RNF144B: variants seen among roughly 807,000 people sequenced by gnomAD.
The protein encoded by RNF144B is E3 ubiquitin-protein ligase RNF144B.
A neutral mutation model predicts 40.2 loss-of-function variants in RNF144B; 25 were observed. The ratio of observed to expected loss-of-function variants is 0.62; its 90% CI spans 0.45 to 0.87. RNF144B has a LOEUF of 0.87. Ranked by LOEUF, RNF144B falls within the 40% of genes least tolerant of loss-of-function variation. The probability of loss-of-function intolerance (pLI) is 0.00; values close to 1 mark genes in which losing one functional copy is unlikely to be tolerated. For missense variants in RNF144B, 365 were observed against 373.7 expected (o/e 0.98, Z 0.19); for synonymous variants, 145 against 136.3 (o/e 1.06, Z -0.44).
At position 18,418,018 on chromosome 6, in the gene RNF144B, G is replaced by A. The variant is rs1212850606; in HGVS notation, c.166-9563G>A. Among the ~76,000 whole-genome samples, 1 of 152,162 alleles carries A rather than the reference G, an allele frequency of 6.6e-6. No individual in the cohort carries two copies. Among genetic ancestry groups the A allele is most frequent in the Admixed American group, 6.6e-5 (1 of 15,266 alleles). ...CAAAATCACTAGCCAACAGGGCAATGCAAATCGAAACCACAATGATATTCG... is the reference window on the plus strand; with the variant it reads ...CAAAATCACTAGCCAACAGGGCAATACAAATCGAAACCACAATGATATTCG... On this transcript the variant is annotated intron_variant, in intron 2 of 7. Transcript: ENST00000259939. This position sits in a 1 kb window ranked among gnomAD's most constrained non-coding sequence, Gnocchi z 5.2.
In RNF144B at chr6:18,466,166, A is replaced by C. The variant is rs1411338255; in HGVS notation, c.*1099A>C. 3.3e-5 allele frequency: 5 copies of C among 152,210 alleles called. No homozygotes were observed. Among genetic ancestry groups the C allele is most frequent in the Admixed American group, 3.3e-4 (5 of 15,278 alleles). The allele number at this position is 152,210 out of a possible 1,614,324, so 9.4% of individuals were successfully genotyped here. ...AAATCTGCCTAAAGATTTTTTGCAT[A>C]TTATATATGTGAATTTTGGTTGTAA... On this transcript the variant is annotated 3_prime_UTR_variant, in exon 8 of 8. Transcript: ENST00000259939.
intron 1 of RNF144B, among the ~76,000 whole-genome samples, chr6:18,391,183 G>A (rs867759221): frequency 1.3e-5 from 2 of 152,104 alleles, no homozygotes; most frequent in Non-Finnish European, 1.5e-5. Flanking sequence ...GCTCTATAAG[G>A]CTCTTTGAAA....
At chr6:18,420,881 A>G (rs1374018875) in intron 2 of RNF144B, among the ~76,000 whole-genome samples, 2 of 152,178 alleles carry the variant, frequency 1.3e-5, no homozygotes, top group Non-Finnish European at 2.9e-5. Flanking sequence ...ACTAAGTAGT[A>G]TATAAGCATA....
At position 18,458,638 on chromosome 6, in the gene RNF144B, A is replaced by G. The variant is rs1170176578; in HGVS notation, c.537-969A>G. ...TTGCATTCTGACATTGTCACTCGGT[A>G]TCTGTGTGTCTCATAGAAGCCACTC... On this transcript the variant is annotated intron_variant, in intron 5 of 7. Coordinates refer to ENST00000259939, the MANE Select transcript of RNF144B (RefSeq NM_182757.4). This position sits in a 1 kb window ranked among gnomAD's most constrained non-coding sequence, Gnocchi z 4.8. Among the ~76,000 whole-genome samples the G allele has an allele frequency of 6.6e-6, 1 of 152,184 alleles. No individual in the cohort carries two copies. Among genetic ancestry groups the G allele is most frequent in the African/African-American group, 2.4e-5 (1 of 41,452 alleles).
intron 4 of RNF144B, among the ~76,000 whole-genome samples, chr6:18,449,822 A>T (rs758309938): frequency 6.6e-6 from 1 of 152,168 alleles, no homozygotes; most frequent in African/African-American, 2.4e-5. Context: ...TCAAGAATGT[A>T]ATATATTAAG....
In RNF144B at chr6:18,416,612, A is replaced by G. The variant is rs2113484267; in HGVS notation, c.166-10969A>G. Among the ~76,000 whole-genome samples, 1 of 152,344 alleles carries G rather than the reference A, an allele frequency of 6.6e-6. No homozygotes were observed. Among genetic ancestry groups the G allele is most frequent in the East Asian group, 1.9e-4 (1 of 5,186 alleles). ...TCAAACTTACAAGGTGGATCTTAGT[A>G]ATCTTTTCCAGAAAATGTAACGGCA... On this transcript the variant is annotated intron_variant, in intron 2 of 7. Transcript: ENST00000259939. The surrounding 1 kb of genome is among the most constrained non-coding windows in gnomAD (Gnocchi z 5.5).
intron 4 of RNF144B, among the ~76,000 whole-genome samples, chr6:18,452,193 C>G (rs1759224136): frequency 6.6e-6 from 1 of 152,212 alleles, no homozygotes; most frequent in Admixed American, 6.5e-5. Context: ...CCAGAAATTA[C>G]TGCTCTGAAT....
At chr6:18,399,357 G>T (rs1180979394) in intron 1 of RNF144B, 142 bp from the exon 2 acceptor site, 1 of 610,052 alleles carries the variant, frequency 1.6e-6, no homozygotes, top group African/African-American at 1.9e-5. Flanking sequence ...CCACTCTCTA[G>T]CCCGTCGTTC....
In RNF144B at chr6:18,416,646, G is replaced by A. The variant is rs78747489; in HGVS notation, c.166-10935G>A. 0.046 allele frequency among the ~76,000 whole-genome samples: 6,965 copies of A among 152,142 alleles called. 252 individuals carry two copies. The highest frequency in any genetic ancestry group is 0.063 in the Non-Finnish European group (4,295 of 67,994). Reference sequence around the variant, plus strand: ...CAGAAAATGTAACGGCACTATTTTGGGCTAAAGTATTTAAAGGCTCTCAAT... The same window carrying A: ...CAGAAAATGTAACGGCACTATTTTGAGCTAAAGTATTTAAAGGCTCTCAAT... On this transcript the variant is annotated intron_variant, in intron 2 of 7. Transcript: ENST00000259939. The surrounding 1 kb of genome is among the most constrained non-coding windows in gnomAD (Gnocchi z 5.5).
intron 3 of RNF144B, among the ~76,000 whole-genome samples, chr6:18,439,311 A>T (rs1481390225): frequency 6.6e-6 from 1 of 152,166 alleles, no homozygotes; most frequent in Non-Finnish European, 1.5e-5. Context: ...TAGAACTTTA[A>T]TTTCAAAAAA....
chr6:18,399,838 C>G (rs761571341), intron 2 of RNF144B, 139 bp downstream of exon 2: 7 of 662,200 alleles, frequency 1.1e-5, no homozygotes, highest in Non-Finnish European at 1.5e-5. Context: ...CATATTTGAA[C>G]CTATTTCCAA....
At chr6:18,428,120 G>GT (rs1164437810) in intron 3 of RNF144B, among the ~76,000 whole-genome samples, 4 of 152,144 alleles carry the variant, frequency 2.6e-5, no homozygotes, top group Non-Finnish European at 5.9e-5. Context: ...AGAACTGATG[G>GT]TTTTATAAGG....
rs1758970020 is a variant in RNF144B at position 18,441,782 on chromosome 6, G to A, written c.331+2038G>A. ...TCAACTTCCTCATCTGTGAAATGGG[G>A]ATAACAAGTATCTCTGTACCACAGG... is the stretch of plus-strand genomic sequence containing the variant. On this transcript the variant is annotated intron_variant, in intron 4 of 7. Transcript: ENST00000259939. This position sits in a 1 kb window ranked among gnomAD's most constrained non-coding sequence, Gnocchi z 4.9. 6.6e-6 allele frequency among the ~76,000 whole-genome samples: 1 copy of A among 152,150 alleles called. No homozygotes were observed. The highest frequency in any genetic ancestry group is 2.4e-5 in the African/African-American group (1 of 41,430).
At position 18,399,662 on chromosome 6, in the gene RNF144B, C is replaced by T. The variant is rs760527168; in HGVS notation, c.128C>T (p.Thr43Ile). ...TGTGAGCAGTCTCTGGACAAGATGA[C>T]CACACTCCAGGAATGCCAGTGCATC... ...CLCEQSLDKM[T>I]TLQECQCIFC... Residue 43 changes from threonine (T) to isoleucine (I), a missense_variant, in exon 2 of 8, where the codon ACC (threonine) becomes ATC (isoleucine). Coordinates refer to ENST00000259939, the MANE Select transcript of RNF144B (RefSeq NM_182757.4). 1.1e-5 allele frequency: 18 copies of T among 1,613,966 alleles called. No homozygotes were observed. Among genetic ancestry groups the T allele is most frequent in the Admixed American group, 3.3e-5 (2 of 59,994 alleles).
At chr6:18,420,340 T>C (rs561718091) in intron 2 of RNF144B, among the ~76,000 whole-genome samples, 3 of 152,210 alleles carry the variant, frequency 2.0e-5, no homozygotes, top group East Asian at 3.9e-4. Flanking sequence ...ACTCAACCAG[T>C]AAGTGCTGGA....
intron 1 of RNF144B, among the ~76,000 whole-genome samples, chr6:18,390,206 C>T (rs778411135): frequency 4.0e-4 from 61 of 152,134 alleles, no homozygotes; most frequent in Non-Finnish European, 7.6e-4. Flanking sequence ...GGTAGTGTTA[C>T]CTTGACCATT....
rs966136134 is a variant in RNF144B at position 18,443,105 on chromosome 6, T to C, written c.331+3361T>C. On this transcript the variant is annotated intron_variant, in intron 4 of 7. Transcript: ENST00000259939. The surrounding 1 kb of genome is among the most constrained non-coding windows in gnomAD (Gnocchi z 4.7). ...ATTTAGTTTTTGAGGAACTGCCAAA[T>C]TGTAAAACCCTATAATTTAAATATA... Among the ~76,000 whole-genome samples, 5 of 152,184 alleles carry C rather than the reference T, an allele frequency of 3.3e-5. No individual in the cohort carries two copies. Among genetic ancestry groups the C allele is most frequent in the Non-Finnish European group, 7.3e-5 (5 of 68,028 alleles).
chr6:18,404,355 G>A (rs969971449), intron 2 of RNF144B, among the ~76,000 whole-genome samples: 1 of 152,200 alleles, frequency 6.6e-6, no homozygotes, highest in African/African-American at 2.4e-5. Context: ...ATTTGATGGT[G>A]TATGATTTGG....
intron 2 of RNF144B, among the ~76,000 whole-genome samples, chr6:18,420,115 C>G (rs1462974619): frequency 1.3e-5 from 2 of 151,046 alleles, no homozygotes; most frequent in Non-Finnish European, 2.9e-5. Flanking sequence ...TCCCCTATCT[C>G]CTTATCTGAA....
Sources: allele counts gnomAD v4.1 joint callset (sites outside exome capture counted in the v4.1 genomes callset), GRCh38; gene constraint gnomAD v4.1.1; non-coding constraint Gnocchi (gnomAD v3.1); transcripts MANE v1.5; gene names NCBI Gene and HGNC (gene_info 2026-07-23, HGNC 2026-07-21).